Variants in OTULIN observed in about 807,000 individuals in gnomAD.
OTULIN encodes OTU deubiquitinase with linear linkage specificity.
A neutral mutation model predicts 39.6 loss-of-function variants in OTULIN; 15 were observed. The ratio of observed to expected loss-of-function variants is 0.38; its 90% CI spans 0.25 to 0.58. The LOEUF is 0.58. Among genes scored for constraint, OTULIN ranks in the 20% least tolerant of loss-of-function variants. The pLI is 0.66. For synonymous variants in OTULIN, 156 were observed against 170.3 expected (o/e 0.92, Z 0.65); for missense variants, 319 against 445.9 (o/e 0.72, Z 2.56).
At chr5:14,706,349 T>C in the OTULIN span, 1 of 152,226 alleles carries the variant, frequency 6.6e-6, no homozygotes, top group South Asian at 2.1e-4. Context: ...AAATGAAATA[T>C]TTTAAAAGAT....
At chr5:14,713,644 C>A in the OTULIN span, 2 of 1,614,110 alleles carry the variant, frequency 1.2e-6, no homozygotes, top group Non-Finnish European at 1.7e-6. This position sits in a 1 kb window ranked among gnomAD's most constrained non-coding sequence, Gnocchi z 4.4. Flanking sequence ...ATCAGCCACC[C>A]GGTGAGATGC....
At chr5:14,692,532 A>T (rs879662971) in intron 6 of OTULIN, among the ~76,000 whole-genome samples, 4 of 152,174 alleles carry the variant, frequency 2.6e-5, no homozygotes, top group Admixed American at 1.3e-4. Context: ...TCACTTGTAT[A>T]TCTTCTTTGG....
At chr5:14,692,252 G>T (rs1037682001) in intron 6 of OTULIN, among the ~76,000 whole-genome samples, 5 of 152,126 alleles carry the variant, frequency 3.3e-5, no homozygotes, top group Non-Finnish European at 7.4e-5. Flanking sequence ...TTGTATTGGG[G>T]TGAAGTTCAT....
At chr5:14,706,789 A>G in the OTULIN span, 2 of 152,204 alleles carry the variant, frequency 1.3e-5, no homozygotes, top group African/African-American at 2.4e-5. Flanking sequence ...TAGAGATTCA[A>G]AATAACCACA....
chr5:14,714,723 A>C, the OTULIN span, among the ~76,000 whole-genome samples: 1 of 151,976 alleles, frequency 6.6e-6, no homozygotes, highest in Non-Finnish European at 1.5e-5. Flanking sequence ...CATATGCTAA[A>C]CTGGTTGGCC....
the OTULIN span, chr5:14,712,935 G>A: frequency 3.0e-5 from 49 of 1,613,472 alleles, no homozygotes; most frequent in African/African-American, 4.0e-5. Context: ...CACAAAGCCC[G>A]CCAGGAGGGA....
At chr5:14,670,372 T>C (rs1284705728) in intron 1 of OTULIN, among the ~76,000 whole-genome samples, 1 of 152,242 alleles carries the variant, frequency 6.6e-6, no homozygotes, top group Non-Finnish European at 1.5e-5. Flanking sequence ...GTTTTCAGCT[T>C]TATTATTTTA....
intron 4 of OTULIN, among the ~76,000 whole-genome samples, chr5:14,683,616 A>C (rs1736312346): frequency 6.6e-6 from 1 of 152,202 alleles, no homozygotes; most frequent in Non-Finnish European, 1.5e-5. Flanking sequence ...GCTACTCAGG[A>C]GGCTGCGCTG....
chr5:14,711,326 C>A, the OTULIN span: 1 of 1,606,568 alleles, frequency 6.2e-7, no homozygotes, highest in Non-Finnish European at 8.5e-7. Context: ...CCAAAGAAGA[C>A]TCATCAGTGT....
chr5:14,713,937 C>CA, the OTULIN span, among the ~76,000 whole-genome samples: 1 of 152,366 alleles, frequency 6.6e-6, no homozygotes, highest in African/African-American at 2.4e-5. The surrounding 1 kb of genome is among the most constrained non-coding windows in gnomAD (Gnocchi z 4.4). Flanking sequence ...CAGCATCTTC[C>CA]AGGCAGCCTA....
intron 1 of OTULIN, among the ~76,000 whole-genome samples, chr5:14,670,441 TA>T: frequency 6.6e-6 from 1 of 152,196 alleles, no homozygotes; most frequent in Middle Eastern, 3.2e-3. Flanking sequence ...ATAAAATTAT[TA>T]TTTTTTGGCT....
chr5:14,711,389 C>G, the OTULIN span: 1 of 1,298,640 alleles, frequency 7.7e-7, no homozygotes, highest in South Asian at 1.2e-5. Flanking sequence ...GGAGACAACA[C>G]CGGGGTCTTG....
In OTULIN at chr5:14,687,556, C is replaced by G; in HGVS notation, c.504C>G (p.Ile168Met). 1.9e-6 allele frequency: 3 copies of G among 1,613,968 alleles called. No individual in the cohort carries two copies. Among genetic ancestry groups the G allele is most frequent in the Non-Finnish European group, 2.5e-6 (3 of 1,179,960 alleles). ...AACTCATAAGCAAATACAACTGGAT[C>G]AAGCAATGGAAACTTGGACTGAAAT... ...PEKLISKYNW[I>M]KQWKLGLKFD... Residue 168 changes from isoleucine to methionine, a missense_variant, in exon 5 of 7, where the codon ATC (isoleucine) becomes ATG (methionine). This residue lies in a region of OTULIN where 54 missense variants were observed against 50.7 expected (regional missense o/e 1.07). Coordinates refer to ENST00000284274, the MANE Select transcript of OTULIN (RefSeq NM_138348.6).
the OTULIN span, among the ~76,000 whole-genome samples, chr5:14,715,089 C>T: frequency 1.3e-5 from 2 of 152,222 alleles, no homozygotes; most frequent in East Asian, 1.9e-4. Flanking sequence ...GAGCAAGGGC[C>T]GTTCCATCAG....
chr5:14,687,751 TG>T, intron 5 of OTULIN, 105 bp downstream of exon 5: 1 of 1,413,182 alleles, frequency 7.1e-7, no homozygotes, highest in Non-Finnish European at 9.4e-7. Context: ...CAAATGCTCT[TG>T]GCTGATTTTT....
At chr5:14,714,197 C>T in the OTULIN span, among the ~76,000 whole-genome samples, 13 of 152,234 alleles carry the variant, frequency 8.5e-5, no homozygotes, top group Non-Finnish European at 1.3e-4. Flanking sequence ...CCACTTCCAC[C>T]GAGGTCACTT....
chr5:14,668,560 A>G (rs1735906696), intron 1 of OTULIN, among the ~76,000 whole-genome samples: 1 of 152,230 alleles, frequency 6.6e-6, no homozygotes. Flanking sequence ...ATTGGTTGAC[A>G]CTGTCTCACC....
rs1388197360 is a variant in OTULIN, at chr5:14,696,402, A to G, written c.*3354A>G. 6.6e-6 allele frequency: 1 copy of G among 152,216 alleles called. No individual in the cohort carries two copies. Among genetic ancestry groups the G allele is most frequent in the African/African-American group, 2.4e-5 (1 of 41,442 alleles). The allele number at this position is 152,216 out of a possible 1,614,324, so 9.4% of individuals were successfully genotyped here. A position where few individuals can be genotyped will look rare whatever the true frequency, so the allele number is the denominator to read the frequency against. On this transcript the variant is annotated 3_prime_UTR_variant, in exon 7 of 7. Coordinates refer to ENST00000284274, the MANE Select transcript of OTULIN (RefSeq NM_138348.6). ...AAGCATAAACCATTGGGGAATCTTA[A>G]CTTGTAGACATGCAGTAAAAGAAAT...
chr5:14,695,917 T>C lies in OTULIN; in HGVS notation c.*2869T>C, dbSNP rs1241599932. 5 of 152,336 alleles carry C rather than the reference T, an allele frequency of 3.3e-5. No homozygotes were observed. The South Asian group carries it at 6.2e-4, about 19-fold the overall frequency. 9.4% of individuals were successfully genotyped at this position (152,336 alleles called of 1,614,324 possible). A position where few individuals can be genotyped will look rare whatever the true frequency, so the allele number is the denominator to read the frequency against. On this transcript the variant is annotated 3_prime_UTR_variant, in exon 7 of 7. Transcript: ENST00000284274. Reference sequence around the variant, plus strand: ...TTCTTTATTTAGCGATTTACACTTTTGTTACTCTATTATATATTCAGTTAG... The same window carrying C: ...TTCTTTATTTAGCGATTTACACTTTCGTTACTCTATTATATATTCAGTTAG...
Sources: allele counts gnomAD v4.1 joint callset (sites outside exome capture counted in the v4.1 genomes callset), GRCh38; gene constraint gnomAD v4.1.1; regional missense constraint gnomAD v4.1.1; non-coding constraint Gnocchi (gnomAD v3.1); transcripts MANE v1.5; gene names NCBI Gene and HGNC (gene_info 2026-07-23, HGNC 2026-07-21).